The following GRIN2A variants were observed in gnomAD, a reference collection of about 807,000 sequenced individuals.
GRIN2A encodes the protein glutamate receptor ionotropic, NMDA 2A.
GRIN2A carries 22 observed loss-of-function variants against 113.4 expected under a neutral mutation model. The ratio of observed to expected loss-of-function variants is 0.19; its 90% CI spans 0.14 to 0.28. GRIN2A has a LOEUF of 0.28. Among genes scored for constraint, GRIN2A ranks in the 10% least tolerant of loss-of-function variants. The pLI, the probability that GRIN2A is intolerant of heterozygous loss-of-function variation, is 1.00. For missense variants in GRIN2A, 1,502 were observed against 1,887.0 expected, an observed-to-expected ratio of 0.80 and a Z score of 3.78; for synonymous variants, 827 against 738.4, an observed-to-expected ratio of 1.12 and a Z score of -1.94.
chr16:10,037,785 G>A (rs2047062637), intron 2 of GRIN2A, among the ~76,000 whole-genome samples: 1 of 152,036 alleles, frequency 6.6e-6, no homozygotes, highest in Non-Finnish European at 1.5e-5. Flanking sequence ...ACCACACCCA[G>A]CTAATTTTTG....
intron 2 of GRIN2A, among the ~76,000 whole-genome samples, chr16:10,085,866 T>C (rs1041009072): frequency 1.3e-5 from 2 of 152,194 alleles, no homozygotes; most frequent in African/African-American, 4.8e-5. Flanking sequence ...TAGGATTTTA[T>C]TTTTATTTCT....
chr16:10,102,511 G>T (rs80296116), intron 2 of GRIN2A, among the ~76,000 whole-genome samples: 30,497 of 151,990 alleles, frequency 0.2, 3,766 homozygotes, highest in East Asian at 0.44. Context: ...ATTACCTAAT[G>T]TTGGGTATTT....
chr16:9,948,602 T>A (rs1339203641), intron 2 of GRIN2A, among the ~76,000 whole-genome samples: 5 of 152,218 alleles, frequency 3.3e-5, no homozygotes, highest in Non-Finnish European at 7.3e-5. Flanking sequence ...ACCGTGTGTT[T>A]CCTTCAGGTA....
chr16:10,081,370 AC>A (rs1251336224), intron 2 of GRIN2A, among the ~76,000 whole-genome samples: 4 of 152,180 alleles, frequency 2.6e-5, no homozygotes, highest in African/African-American at 9.7e-5. Context: ...TCTGCTCCTT[AC>A]ATATGCCCCC....
chr16:10,144,140 C>T (rs10852262), intron 2 of GRIN2A, among the ~76,000 whole-genome samples: 67,594 of 151,602 alleles, frequency 0.45, 16,478 homozygotes, highest in East Asian at 0.85. Flanking sequence ...TTCCATTACG[C>T]TGGTGCTATT....
At position 9,940,226 on chromosome 16, in the gene GRIN2A, C is replaced by T. The variant is rs147397461; in HGVS notation, c.415-1675G>A. Among the ~76,000 whole-genome samples, 3 of 152,160 alleles carry T rather than the reference C, an allele frequency of 2.0e-5. No homozygotes were observed. In the East Asian group the frequency reaches 5.8e-4, roughly 29 times the overall value. ...GAATGGGCCAAAAGCTATAGTTCTT[C>T]GAAATACTGCTCTTTTCTGAAATGC... On this transcript the variant is annotated intron_variant, in intron 2 of 12. Coordinates refer to ENST00000330684, the MANE Select transcript of GRIN2A (RefSeq NM_001134407.3).
intron 2 of GRIN2A, among the ~76,000 whole-genome samples, chr16:10,163,584 T>C (rs1283591981): frequency 6.6e-6 from 1 of 152,114 alleles, no homozygotes; most frequent in Non-Finnish European, 1.5e-5. Flanking sequence ...AATAGCCACA[T>C]CTTCCAGGAA....
chr16:9,850,033 C>A, intron 4 of GRIN2A, 72 bp from the exon 5 acceptor site: 1 of 1,270,846 alleles, frequency 7.9e-7, no homozygotes. Context: ...AATCCTTTCC[C>A]TGCCAGAGAC....
chr16:10,139,835 A>AT lies in GRIN2A; in HGVS notation c.414+40162dup, dbSNP rs33934795. Among the ~76,000 whole-genome samples the AT allele has an allele frequency of 1.2e-3, 128 of 111,106 alleles. 1 individual carries two copies. The highest frequency in any genetic ancestry group is 2.6e-3 in the African/African-American group (91 of 34,900). The allele number at this position is 111,106 out of a possible 152,430, so 72.9% of individuals were successfully genotyped here. On this transcript the variant is annotated intron_variant, in intron 2 of 12. Transcript: ENST00000330684. ...AGAACCCAGAGAGATGAGATAAATA[A>AT]TTTTTTTTTTTGAAGGGAGTCTCAC...
At chr16:10,070,348 A>T (rs952732847) in intron 2 of GRIN2A, among the ~76,000 whole-genome samples, 1 of 152,192 alleles carries the variant, frequency 6.6e-6, no homozygotes, top group African/African-American at 2.4e-5. Flanking sequence ...GGAGCTTCTT[A>T]GAAGTGCAGA....
intron 2 of GRIN2A, among the ~76,000 whole-genome samples, chr16:10,074,089 A>G (rs73510645): frequency 0.048 from 7,238 of 152,298 alleles, 593 homozygotes; most frequent in African/African-American, 0.17. Flanking sequence ...ATTTCTTACA[A>G]GATGGCATAC....
chr16:9,978,362 C>T (rs994989844), intron 2 of GRIN2A, among the ~76,000 whole-genome samples: 1 of 152,152 alleles, frequency 6.6e-6, no homozygotes, highest in African/African-American at 2.4e-5. Context: ...CCTCAGTTTG[C>T]TCATTTCGAG....
At chr16:9,951,440 ATTTGTG>A (rs1209075983) in intron 2 of GRIN2A, among the ~76,000 whole-genome samples, 1 of 152,222 alleles carries the variant, frequency 6.6e-6, no homozygotes, top group African/African-American at 2.4e-5. Context: ...TCATGGGTGC[ATTTGTG>A]TTTGTGTTTG....
At chr16:9,924,891 T>C (rs1171408233) in intron 3 of GRIN2A, among the ~76,000 whole-genome samples, 1 of 152,208 alleles carries the variant, frequency 6.6e-6, no homozygotes, top group Non-Finnish European at 1.5e-5. Flanking sequence ...TCTCTATGTC[T>C]CCACTTGAAT....
At chr16:9,830,686 G>A (rs1435575451) in intron 8 of GRIN2A, among the ~76,000 whole-genome samples, 1 of 152,152 alleles carries the variant, frequency 6.6e-6, no homozygotes, top group Non-Finnish European at 1.5e-5. Context: ...TGAAGTGCTG[G>A]GCAGGAAGCC....
At chr16:9,931,372 G>A (rs1276763018) in intron 3 of GRIN2A, among the ~76,000 whole-genome samples, 1 of 152,104 alleles carries the variant, frequency 6.6e-6, no homozygotes, top group Non-Finnish European at 1.5e-5. Flanking sequence ...ATAGTTATTT[G>A]TAAAATGCCT....
At chr16:10,104,107 A>C (rs766266243) in intron 2 of GRIN2A, among the ~76,000 whole-genome samples, 114 of 152,254 alleles carry the variant, frequency 7.5e-4, no homozygotes, top group Non-Finnish European at 1.4e-3. Flanking sequence ...GAGTAGGCAG[A>C]GGCAAAGGGT....
chr16:10,175,127 A>C (rs2050117078), intron 2 of GRIN2A, among the ~76,000 whole-genome samples: 1 of 152,244 alleles, frequency 6.6e-6, no homozygotes, highest in African/African-American at 2.4e-5. Context: ...AAGAGCCTAT[A>C]GCTCATAGCC....
chr16:9,921,183 A>G (rs1285793427), intron 3 of GRIN2A, among the ~76,000 whole-genome samples: 1 of 152,224 alleles, frequency 6.6e-6, no homozygotes, highest in Non-Finnish European at 1.5e-5. Flanking sequence ...TGCTAATGAC[A>G]ATAATAATAA....
Sources: gnomAD v4.1 joint callset for allele counts (sites outside exome capture counted in the v4.1 genomes callset) on GRCh38, gnomAD v4.1.1 for gene constraint, MANE v1.5 for transcripts, NCBI Gene and HGNC (gene_info 2026-07-23, HGNC 2026-07-21) for gene names.